Variants in LUZP1 observed in about 807,000 individuals in gnomAD.
LUZP1 encodes the protein leucine zipper protein 1.
LUZP1 carries 25 observed loss-of-function variants against 71.3 expected under a neutral mutation model. That is an observed-to-expected ratio of 0.35 (90% CI 0.26 to 0.49). LUZP1 has a LOEUF of 0.49. Among genes scored for constraint, LUZP1 ranks in the 20% least tolerant of loss-of-function variants. LUZP1 has a pLI of 0.99. For missense variants in LUZP1, 1,142 were observed against 1,300.8 expected (o/e 0.88, Z 1.88); for synonymous variants, 481 against 506.4 (o/e 0.95, Z 0.67).
At position 23,092,847 on chromosome 1, in the gene LUZP1, G is replaced by T; in HGVS notation, c.1415C>A (p.Ser472Ter). Reference sequence around the variant, plus strand: ...AGCCGGGGGGTAGCGACTCAGCACTGAGGGCTGCTCCCTAGACTTCTTCCC... The same window carrying T: ...AGCCGGGGGGTAGCGACTCAGCACTTAGGGCTGCTCCCTAGACTTCTTCCC... Residue 472 changes from serine (S) to a stop codon, truncating the protein, a stop_gained, in exon 4 of 5, where the codon TCA becomes TAA. Coordinates refer to ENST00000302291, the Ensembl canonical transcript of LUZP1. LOFTEE classifies it high-confidence loss of function. 1 of 1,613,862 alleles carries T rather than the reference G, an allele frequency of 6.2e-7. No homozygotes were observed. Among genetic ancestry groups the T allele is most frequent in the Non-Finnish European group, 8.5e-7 (1 of 1,179,930 alleles).
At chr1:23,103,900 GA>G (rs1643956658) in intron 3 of LUZP1, among the ~76,000 whole-genome samples, 1 of 9,064 alleles carries the variant, frequency 1.1e-4, no homozygotes, top group African/African-American at 3.2e-4. Flanking sequence ...GAGAGGGAGG[GA>G]GGGGGGAAGG....
intron 2 of LUZP1, among the ~76,000 whole-genome samples, chr1:23,117,454 C>T (rs1461740361): frequency 7.5e-4 from 10 of 13,362 alleles, no homozygotes; most frequent in African/African-American, 1.8e-3. Context: ...TTTTTTTTTT[C>T]CTCTCTCTCT....
At chr1:23,135,474 T>C (rs1203451177) in intron 2 of LUZP1, among the ~76,000 whole-genome samples, 3 of 152,228 alleles carry the variant, frequency 2.0e-5, no homozygotes, top group African/African-American at 4.8e-5. Flanking sequence ...GAGAATTGTA[T>C]TTGTGATTCC....
At chr1:23,165,438 G>A (rs1165347112) in intron 2 of LUZP1, among the ~76,000 whole-genome samples, 1 of 150,996 alleles carries the variant, frequency 6.6e-6, no homozygotes, top group Non-Finnish European at 1.5e-5. Flanking sequence ...TTGGGAGGCT[G>A]ACATGGGAGG....
intron 2 of LUZP1, among the ~76,000 whole-genome samples, chr1:23,115,568 T>A (rs747668067): frequency 6.6e-6 from 1 of 152,176 alleles, no homozygotes; most frequent in Non-Finnish European, 1.5e-5. Context: ...GGAGACAAAG[T>A]CTCGCTCTGT....
intron 2 of LUZP1, among the ~76,000 whole-genome samples, chr1:23,138,065 G>A (rs1186341494): frequency 6.6e-6 from 1 of 152,168 alleles, no homozygotes; most frequent in Admixed American, 6.5e-5. Flanking sequence ...CTACCTCCCA[G>A]GTTCAAGCAA....
At chr1:23,159,206 T>C (rs1644445139) in intron 2 of LUZP1, among the ~76,000 whole-genome samples, 1 of 151,772 alleles carries the variant, frequency 6.6e-6, no homozygotes, top group Non-Finnish European at 1.5e-5. Context: ...CCAGGCGTGG[T>C]GGCGGGCACC....
At chr1:23,156,154 G>A (rs528803331) in intron 2 of LUZP1, among the ~76,000 whole-genome samples, 17 of 152,292 alleles carry the variant, frequency 1.1e-4, no homozygotes, top group African/African-American at 3.4e-4. Context: ...GCCAAGGCAG[G>A]TGAATCACTT....
chr1:23,103,883 A>AGGGAGGGAGG (rs1643955487), intron 3 of LUZP1, among the ~76,000 whole-genome samples: 1 of 7,336 alleles, frequency 1.4e-4, no homozygotes, highest in Non-Finnish European at 2.2e-4. Flanking sequence ...AGGGAGGGAG[A>AGGGAGGGAGG]GAGGGAGAGA....
intron 2 of LUZP1, among the ~76,000 whole-genome samples, chr1:23,126,674 A>G (rs187031028): frequency 2.6e-5 from 4 of 152,290 alleles, no homozygotes; most frequent in East Asian, 1.9e-4. Flanking sequence ...AGAAAACAAA[A>G]TAAGTTCTTA....
chr1:23,157,377 T>C (rs1269116410), intron 2 of LUZP1, among the ~76,000 whole-genome samples: 1 of 152,158 alleles, frequency 6.6e-6, no homozygotes, highest in African/African-American at 2.4e-5. Context: ...TGATGTTTGT[T>C]TTTAAAAAGC....
chr1:23,087,413 C>T (rs1382602910), exon 5 of LUZP1: 1 of 152,176 alleles, frequency 6.6e-6, no homozygotes, highest in Non-Finnish European at 1.5e-5. Flanking sequence ...AGATTTGGTG[C>T]CCTTAGAGAT....
At chr1:23,174,835 C>T (rs557309775) in intron 1 of LUZP1, among the ~76,000 whole-genome samples, 1 of 152,176 alleles carries the variant, frequency 6.6e-6, no homozygotes, top group East Asian at 1.9e-4. Flanking sequence ...ATAAAATAGC[C>T]CTCAATTCTC....
chr1:23,113,267 G>C (rs1029136352), intron 2 of LUZP1, among the ~76,000 whole-genome samples: 1 of 152,128 alleles, frequency 6.6e-6, no homozygotes, highest in Admixed American at 6.5e-5. Flanking sequence ...AATTAGCCAG[G>C]TGTGGTGATA....
At chr1:23,167,473 G>A (rs1644518918) in intron 2 of LUZP1, among the ~76,000 whole-genome samples, 2 of 149,204 alleles carry the variant, frequency 1.3e-5, no homozygotes, top group Admixed American at 1.3e-4. Context: ...TCAAGTCAGT[G>A]AAGGTGCGAC....
At chr1:23,166,063 A>AG (rs1644507676) in intron 2 of LUZP1, among the ~76,000 whole-genome samples, 3 of 151,620 alleles carry the variant, frequency 2.0e-5, no homozygotes, top group Admixed American at 2.0e-4. Flanking sequence ...AAAAAAAAAA[A>AG]AAGAAAAGAA....
rs1312603022 is a variant in LUZP1 at position 23,094,063 on chromosome 1, C to T, written c.199G>A (p.Val67Met). ...ATTCTCAGCACCCGCTGGCGCAGCA[C>T]TTCAATCTCCGCCAACATGCTGGAG... Residue 67 changes from valine to methionine, a missense_variant, in exon 4 of 5, where the codon GTG becomes ATG. Transcript: ENST00000302291. The surrounding 1 kb of genome is among the most constrained non-coding windows in gnomAD (Gnocchi z 4.7). The T allele has an allele frequency of 1.2e-6, 2 of 1,614,116 alleles. No homozygotes were observed. The highest frequency in any genetic ancestry group is 1.7e-6 in the Non-Finnish European group (2 of 1,180,050).
At chr1:23,092,913 T>C in exon 4 of LUZP1, 1 of 1,613,860 alleles carries the variant, frequency 6.2e-7, no homozygotes, top group Non-Finnish European at 8.5e-7. Context: ...GTCTTCAGTT[T>C]TCTTTGTCTC....
intron 2 of LUZP1, among the ~76,000 whole-genome samples, chr1:23,150,659 CA>C (rs1644376565): frequency 1.3e-5 from 2 of 152,086 alleles, no homozygotes; most frequent in African/African-American, 4.8e-5. Flanking sequence ...TTTTTACCAA[CA>C]GTGAAGATGA....
Sources: allele counts gnomAD v4.1 joint callset (sites outside exome capture counted in the v4.1 genomes callset), GRCh38; gene constraint gnomAD v4.1.1; non-coding constraint Gnocchi (gnomAD v3.1); transcripts MANE v1.5; gene names NCBI Gene and HGNC (gene_info 2026-07-23, HGNC 2026-07-21).